Variants in FBXL13 observed in about 807,000 individuals in gnomAD.
FBXL13 encodes the protein F-box and leucine rich repeat protein 13, also known as F-box and leucine-rich repeat protein 13.
In FBXL13, 67 loss-of-function variants were observed where a neutral mutation model predicts 83.6. That is an observed-to-expected ratio of 0.80 (90% CI 0.66 to 0.98). FBXL13 has a LOEUF of 0.98. Ranked by LOEUF, FBXL13 falls within the 50% of genes least tolerant of loss-of-function variation. The pLI is 0.00. For synonymous variants in FBXL13, 272 were observed against 299.5 expected, an observed-to-expected ratio of 0.91 and a Z score of 0.95; for missense variants, 822 against 866.5, an observed-to-expected ratio of 0.95 and a Z score of 0.64.
chr7:103,048,717 A>G (rs879381041), intron 2 of FBXL13, among the ~76,000 whole-genome samples: 21 of 152,236 alleles, frequency 1.4e-4, no homozygotes, highest in Admixed American at 2.6e-4. Context: ...AAACTGAACA[A>G]TACACTTTTA....
intron 2 of FBXL13, among the ~76,000 whole-genome samples, chr7:103,054,813 G>A (rs1797181869): frequency 6.6e-6 from 1 of 152,182 alleles, no homozygotes; most frequent in South Asian, 2.1e-4. Context: ...AGAGGAGAAG[G>A]AGGAGAAAGA....
exon 8 of FBXL13, chr7:102,963,562 A>T: frequency 6.2e-7 from 1 of 1,613,180 alleles, no homozygotes. Flanking sequence ...GGGTCGGAGA[A>T]GACAACCACG....
chr7:102,865,457 T>C (rs1170369331), intron 16 of FBXL13, among the ~76,000 whole-genome samples: 2 of 152,138 alleles, frequency 1.3e-5, no homozygotes, highest in East Asian at 3.8e-4. Flanking sequence ...TCTACTCTAG[T>C]TAGTAATTAT....
intron 6 of FBXL13, among the ~76,000 whole-genome samples, chr7:102,985,482 G>A (rs1160409273): frequency 3.9e-5 from 6 of 152,158 alleles, no homozygotes. Flanking sequence ...TACAACTCAG[G>A]GGCAGCAGGA....
chr7:102,898,372 A>T lies in FBXL13; in HGVS notation c.1009-14060T>A, dbSNP rs370098808. 3.9e-5 allele frequency among the ~76,000 whole-genome samples: 6 copies of T among 152,214 alleles called. No homozygotes were observed. In the East Asian group the frequency reaches 1.2e-3, roughly 29 times the overall value. ...TTCTCTCTTTTTGAGACAGGATCTC[A>T]TTCTGTCACCCAGGCTGCAGTGCAG... On this transcript the variant is annotated intron_variant, in intron 11 of 19. Transcript: ENST00000313221.
intron 6 of FBXL13, among the ~76,000 whole-genome samples, chr7:102,990,102 G>A (rs376687112): frequency 4.6e-5 from 7 of 152,184 alleles, no homozygotes; most frequent in African/African-American, 1.7e-4. Flanking sequence ...AATTGGAAAT[G>A]TCCTTATCAT....
chr7:102,826,769 A>ATATG lies in FBXL13; in HGVS notation c.1855-4570_1855-4567dup, dbSNP rs1554400933. 9.0e-3 allele frequency among the ~76,000 whole-genome samples: 905 copies of ATATG among 100,642 alleles called. 63 individuals are homozygous for ATATG. Among genetic ancestry groups the ATATG allele is most frequent in the African/African-American group, 0.014 (365 of 26,274 alleles). The allele number at this position is 100,642 out of a possible 152,430, so 66.0% of individuals were successfully genotyped here. A position where few individuals can be genotyped will look rare whatever the true frequency, so the allele number is the denominator to read the frequency against. On this transcript the variant is annotated intron_variant, in intron 18 of 19. Coordinates refer to ENST00000313221, the Ensembl canonical transcript of FBXL13. ...TATATATATATATATATATATATAT[A>ATATG]TATGTATATATATCTCTAATATATT...
At chr7:102,925,091 C>A (rs1192487488) in intron 10 of FBXL13, among the ~76,000 whole-genome samples, 2 of 152,206 alleles carry the variant, frequency 1.3e-5, no homozygotes, top group Non-Finnish European at 2.9e-5. Context: ...TCCTAACTGG[C>A]CTTTCTGTAA....
At chr7:103,025,364 A>G (rs1563237413) in intron 5 of FBXL13, 134 bp from the exon 7 acceptor site, 3 of 532,442 alleles carry the variant, frequency 5.6e-6, no homozygotes, top group Non-Finnish European at 9.7e-6. Context: ...ATTACTACAT[A>G]AACTATAATT....
chr7:103,015,622 C>A (rs550133999), intron 6 of FBXL13, among the ~76,000 whole-genome samples: 1 of 151,972 alleles, frequency 6.6e-6, no homozygotes, highest in Admixed American at 6.6e-5. Context: ...TATAGCTAAA[C>A]CCCGTCTCTA....
intron 10 of FBXL13, among the ~76,000 whole-genome samples, chr7:102,921,628 C>T (rs1246960116): frequency 2.0e-5 from 3 of 151,300 alleles, no homozygotes; most frequent in African/African-American, 7.3e-5. Context: ...TATGGTGAGC[C>T]GAGATCATAC....
At position 103,014,943 on chromosome 7, in the gene FBXL13, A is replaced by G. The variant is rs1054792684; in HGVS notation, c.495+10120T>C. On this transcript the variant is annotated intron_variant, in intron 6 of 19. Coordinates refer to ENST00000313221, the Ensembl canonical transcript of FBXL13. ...TCTCAAAAAAAAAAAAAAAAAAAAA[A>G]AAAAGAAAATACTAGCAAACTGAAT... 4.0e-5 allele frequency among the ~76,000 whole-genome samples: 6 copies of G among 150,946 alleles called. No homozygotes were observed. The South Asian group carries it at 6.3e-4, about 16-fold the overall frequency.
intron 1 of FBXL13, among the ~76,000 whole-genome samples, chr7:103,058,813 T>A (rs776976414): frequency 1.3e-5 from 2 of 152,190 alleles, no homozygotes; most frequent in African/African-American, 2.4e-5. Flanking sequence ...ATGTGAGAAA[T>A]TGATTATATA....
At chr7:102,978,960 G>A (rs1469363873) in intron 6 of FBXL13, among the ~76,000 whole-genome samples, 1 of 152,190 alleles carries the variant, frequency 6.6e-6, no homozygotes, top group South Asian at 2.1e-4. Flanking sequence ...ATAAGTCTTC[G>A]ATTTCTCAGT....
Position 102,892,933 on chromosome 7 carries a change from A to G in FBXL13, c.1009-8621T>C, listed in dbSNP as rs138945051. Among the ~76,000 whole-genome samples, 777 of 152,358 alleles carry G rather than the reference A, an allele frequency of 5.1e-3. 4 individuals carry two copies. Among genetic ancestry groups the G allele is most frequent in the African/African-American group, 0.018 (729 of 41,588 alleles). On this transcript the variant is annotated intron_variant, in intron 11 of 19. Coordinates refer to ENST00000313221, the Ensembl canonical transcript of FBXL13. ...AGTATTTACACCATAGAATTCAGCC[A>G]ACACTAAAAAGTCAGGCTTTTCCTG...
chr7:102,861,360 ATGTCTCACAT>A (rs991185062), intron 16 of FBXL13, among the ~76,000 whole-genome samples: 8 of 152,050 alleles, frequency 5.3e-5, no homozygotes, highest in African/African-American at 1.7e-4. Flanking sequence ...ATTATGCAGA[ATGTCTCACAT>A]TCTGGATTTT....
chr7:103,066,763 T>C (rs920366713), intron 1 of FBXL13, among the ~76,000 whole-genome samples: 10 of 152,070 alleles, frequency 6.6e-5, no homozygotes, highest in Non-Finnish European at 1.3e-4. Context: ...ATTGATTTTT[T>C]AATATTCAGT....
At chr7:102,992,736 G>A (rs1311001610) in intron 6 of FBXL13, among the ~76,000 whole-genome samples, 1 of 152,098 alleles carries the variant, frequency 6.6e-6, no homozygotes, top group Non-Finnish European at 1.5e-5. Context: ...CCATCGAGTA[G>A]CTGGGACTAC....
chr7:102,992,889 G>C (rs1480224509), intron 6 of FBXL13, among the ~76,000 whole-genome samples: 1 of 152,188 alleles, frequency 6.6e-6, no homozygotes, highest in Admixed American at 6.5e-5. Flanking sequence ...TTACAGGCAT[G>C]AGCCACCACG....
Sources: gnomAD v4.1 joint callset for allele counts (sites outside exome capture counted in the v4.1 genomes callset) on GRCh38, gnomAD v4.1.1 for gene constraint, MANE v1.5 for transcripts, NCBI Gene and HGNC (gene_info 2026-07-23, HGNC 2026-07-21) for gene names.